Variants in SGCZ observed in about 807,000 individuals in gnomAD.
The protein encoded by SGCZ is zeta-sarcoglycan.
Under a neutral mutation model 41.3 loss-of-function variants are expected in SGCZ, and 40 were observed. The ratio of observed to expected loss-of-function variants is 0.97; its 90% CI spans 0.75 to 1.26. The LOEUF (loss-of-function observed/expected upper bound fraction) is 1.26. Among genes scored for constraint, SGCZ ranks in the 50% most tolerant of loss-of-function variants. The pLI is 0.00. For synonymous variants in SGCZ, 206 were observed against 137.5 expected, an observed-to-expected ratio of 1.50 and a Z score of -3.49; for missense variants, 552 against 369.8, an observed-to-expected ratio of 1.49 and a Z score of -4.04.
chr8:15,053,858 TG>T (rs1804610259), intron 1 of SGCZ, among the ~76,000 whole-genome samples: 1 of 152,194 alleles, frequency 6.6e-6, no homozygotes, highest in Non-Finnish European at 1.5e-5. Context: ...TGACATAAAC[TG>T]GCATTTCATG....
At chr8:14,425,722 G>A (rs574771253) in intron 2 of SGCZ, among the ~76,000 whole-genome samples, 3 of 151,758 alleles carry the variant, frequency 2.0e-5, no homozygotes, top group Non-Finnish European at 4.4e-5. Flanking sequence ...ATACAATTTT[G>A]CTATGTTTCT....
At chr8:14,629,112 T>C (rs925968844) in intron 1 of SGCZ, among the ~76,000 whole-genome samples, 1 of 152,138 alleles carries the variant, frequency 6.6e-6, no homozygotes, top group Non-Finnish European at 1.5e-5. Flanking sequence ...TATTTCTTAT[T>C]TTTGCAGAAA....
At chr8:15,187,435 A>G (rs951607599) in intron 1 of SGCZ, among the ~76,000 whole-genome samples, 1 of 152,090 alleles carries the variant, frequency 6.6e-6, no homozygotes, top group Admixed American at 6.5e-5. Context: ...TTAGAAAAGG[A>G]GAAAATAATC....
chr8:14,842,195 G>A (rs1585310436), intron 1 of SGCZ, among the ~76,000 whole-genome samples: 1 of 152,086 alleles, frequency 6.6e-6, no homozygotes, highest in African/African-American at 2.4e-5. Context: ...GAGTTCGAAG[G>A]ACCAACAAGA....
At chr8:14,852,756 A>G (rs989001219) in intron 1 of SGCZ, among the ~76,000 whole-genome samples, 30 of 152,210 alleles carry the variant, frequency 2.0e-4, no homozygotes, top group African/African-American at 2.4e-5. Flanking sequence ...GAAACATTGC[A>G]AAGTACAAAA....
At chr8:14,273,134 G>C (rs565866688) in intron 3 of SGCZ, among the ~76,000 whole-genome samples, 4 of 151,972 alleles carry the variant, frequency 2.6e-5, no homozygotes, top group African/African-American at 9.6e-5. Flanking sequence ...CTTTTCCTCA[G>C]TGGCAATAAT....
At chr8:15,220,022 C>T (rs746796097) in intron 1 of SGCZ, among the ~76,000 whole-genome samples, 8 of 152,032 alleles carry the variant, frequency 5.3e-5, no homozygotes, top group Non-Finnish European at 7.4e-5. Flanking sequence ...TCTAACAATG[C>T]CTTTGAAATG....
At chr8:14,615,896 C>G (rs1484232521) in intron 1 of SGCZ, among the ~76,000 whole-genome samples, 1 of 152,186 alleles carries the variant, frequency 6.6e-6, no homozygotes, top group Non-Finnish European at 1.5e-5. Context: ...TCTCTCCTAT[C>G]TCATTCCACT....
At chr8:15,029,928 T>C (rs1441834478) in intron 1 of SGCZ, among the ~76,000 whole-genome samples, 1 of 152,168 alleles carries the variant, frequency 6.6e-6, no homozygotes, top group South Asian at 2.1e-4. Flanking sequence ...TGAAATGGAA[T>C]GTGTGCCTTT....
intron 1 of SGCZ, among the ~76,000 whole-genome samples, chr8:14,654,695 C>T (rs1807504949): frequency 6.6e-6 from 1 of 151,988 alleles, no homozygotes; most frequent in South Asian, 2.1e-4. Flanking sequence ...CCTCAGCCTC[C>T]CAAGTAGCTG....
At chr8:14,186,420 A>C (rs1036602254) in intron 4 of SGCZ, among the ~76,000 whole-genome samples, 4 of 152,180 alleles carry the variant, frequency 2.6e-5, no homozygotes, top group Non-Finnish European at 4.4e-5. Flanking sequence ...ATCCTTCTTC[A>C]TCTATGTCAC....
chr8:14,643,239 G>A (rs970393125), intron 1 of SGCZ, among the ~76,000 whole-genome samples: 2 of 151,470 alleles, frequency 1.3e-5, no homozygotes, highest in African/African-American at 4.8e-5. Flanking sequence ...GAACGCTGTT[G>A]GGCTTCTGTG....
intron 1 of SGCZ, among the ~76,000 whole-genome samples, chr8:15,034,952 C>T (rs1014090059): frequency 2.6e-5 from 4 of 152,058 alleles, no homozygotes; most frequent in Admixed American, 2.6e-4. Context: ...CTAAGAAAGC[C>T]TATTGGGAAT....
At chr8:14,146,066 G>C (rs1176798468) in intron 5 of SGCZ, among the ~76,000 whole-genome samples, 1 of 152,092 alleles carries the variant, frequency 6.6e-6, no homozygotes, top group East Asian at 1.9e-4. Flanking sequence ...CCTAAAGAAA[G>C]ATATCAATAT....
chr8:14,961,056 A>C (rs1800949281), intron 1 of SGCZ, among the ~76,000 whole-genome samples: 1 of 152,082 alleles, frequency 6.6e-6, no homozygotes, highest in Non-Finnish European at 1.5e-5. Flanking sequence ...TTATGTGCTT[A>C]GCATTTTAAC....
chr8:14,132,448 T>TA (rs1803070336), intron 5 of SGCZ, among the ~76,000 whole-genome samples: 2 of 152,342 alleles, frequency 1.3e-5, no homozygotes, highest in South Asian at 4.1e-4. Context: ...AAGTCCTTTG[T>TA]ACCTAAGACA....
At chr8:14,982,948 G>C (rs1361591598) in intron 1 of SGCZ, among the ~76,000 whole-genome samples, 1 of 152,156 alleles carries the variant, frequency 6.6e-6, no homozygotes, top group Non-Finnish European at 1.5e-5. Flanking sequence ...GGAGACAGAG[G>C]AAGTAGTTGG....
chr8:14,316,054 T>G (rs939825570), intron 3 of SGCZ, among the ~76,000 whole-genome samples: 2 of 151,886 alleles, frequency 1.3e-5, no homozygotes, highest in East Asian at 1.9e-4. Context: ...TAGTCAAATA[T>G]TTTGAGTCAG....
intron 1 of SGCZ, among the ~76,000 whole-genome samples, chr8:14,894,990 C>T (rs73517327): frequency 0.067 from 10,238 of 152,120 alleles, 1,029 homozygotes; most frequent in African/African-American, 0.22. Context: ...ATCTTCCATA[C>T]ATAATGCTAA....
Sources: gnomAD v4.1 joint callset for allele counts (sites outside exome capture counted in the v4.1 genomes callset) on GRCh38, gnomAD v4.1.1 for gene constraint, MANE v1.5 for transcripts, NCBI Gene and HGNC (gene_info 2026-07-23, HGNC 2026-07-21) for gene names.